Variants in IPPK observed in about 807,000 individuals in gnomAD.
IPPK encodes inositol-pentakisphosphate 2-kinase.
In IPPK, 22 loss-of-function variants were observed where a neutral mutation model predicts 64.6. That is an observed-to-expected ratio of 0.34 (90% CI 0.24 to 0.49). IPPK has a LOEUF of 0.49. Among genes scored for constraint, IPPK ranks in the 20% least tolerant of loss-of-function variants. IPPK has a pLI of 0.99. For missense variants in IPPK, 532 were observed against 630.7 expected (o/e 0.84, Z 1.68); for synonymous variants, 262 against 247.2 (o/e 1.06, Z -0.56).
intron 1 of IPPK, among the ~76,000 whole-genome samples, chr9:92,665,582 T>C (rs994270410): frequency 1.3e-5 from 2 of 152,192 alleles, no homozygotes; most frequent in Admixed American, 1.3e-4. Flanking sequence ...CAGAAAATAT[T>C]TAAAAAACAA....
intron 3 of IPPK, among the ~76,000 whole-genome samples, chr9:92,655,415 A>G (rs372849538): frequency 4.0e-4 from 61 of 152,286 alleles, no homozygotes; most frequent in African/African-American, 1.4e-3. Flanking sequence ...GGCAGAGGAA[A>G]TGCGCTCACA....
intron 1 of IPPK, among the ~76,000 whole-genome samples, chr9:92,665,563 T>C (rs1852577893): frequency 6.6e-6 from 1 of 152,222 alleles, no homozygotes; most frequent in Non-Finnish European, 1.5e-5. Flanking sequence ...ATATCCATTG[T>C]AGGAAATTCA....
At chr9:92,661,747 G>A (rs570950185) in intron 1 of IPPK, among the ~76,000 whole-genome samples, 7 of 152,324 alleles carry the variant, frequency 4.6e-5, no homozygotes, top group South Asian at 2.1e-4. Flanking sequence ...CAGGGGAACC[G>A]TAGTCTCAGC....
chr9:92,670,039 T>G lies in IPPK; in HGVS notation c.-51A>C. The G allele has an allele frequency of 1.5e-6, 2 of 1,376,218 alleles. No individual in the cohort carries two copies. Among genetic ancestry groups the G allele is most frequent in the Non-Finnish European group, 2.0e-6 (2 of 999,490 alleles). The allele number at this position is 1,376,218 out of a possible 1,614,324, so 85.3% of individuals were successfully genotyped here. A position where few individuals can be genotyped will look rare whatever the true frequency, so the allele number is the denominator to read the frequency against. The stretch of plus-strand genomic sequence containing the variant: ...CGGGCTAGGACTCGGGGACGCGAGC[T>G]GGGGGCCGCCCGCCTCGCTGGGAAC... On this transcript the variant is annotated 5_prime_UTR_variant, in exon 1 of 13. Transcript: ENST00000287996.
intron 4 of IPPK, among the ~76,000 whole-genome samples, chr9:92,651,618 C>T (rs1187083459): frequency 1.3e-5 from 2 of 152,248 alleles, no homozygotes; most frequent in Admixed American, 1.3e-4. Flanking sequence ...TTTTGCCTCT[C>T]CCAGGCCTCT....
intron 6 of IPPK, among the ~76,000 whole-genome samples, chr9:92,644,106 G>A (rs933569807): frequency 1.3e-5 from 2 of 152,044 alleles, no homozygotes; most frequent in Non-Finnish European, 2.9e-5. Flanking sequence ...GAAAAGAAGG[G>A]GTGATGTTGG....
intron 1 of IPPK, among the ~76,000 whole-genome samples, chr9:92,659,799 C>A (rs1379626512): frequency 6.6e-6 from 1 of 152,186 alleles, no homozygotes; most frequent in Non-Finnish European, 1.5e-5. Flanking sequence ...CCTACTTAGA[C>A]AATGTACGTC....
chr9:92,641,509 T>C (rs1282618124), intron 7 of IPPK, among the ~76,000 whole-genome samples: 1 of 152,246 alleles, frequency 6.6e-6, no homozygotes, highest in Non-Finnish European at 1.5e-5. Flanking sequence ...TGAATCTTTA[T>C]TACTGAATGC....
chr9:92,613,553 C>T lies in IPPK; in HGVS notation c.*2279G>A, dbSNP rs1022693861. 16 of 205,642 alleles carry T rather than the reference C, an allele frequency of 7.8e-5. No homozygotes were observed. The highest frequency in any genetic ancestry group is 1.4e-4 in the Non-Finnish European group (14 of 99,780). The allele number at this position is 205,642 out of a possible 1,614,324, so 12.7% of individuals were successfully genotyped here. A position where few individuals can be genotyped will look rare whatever the true frequency, so the allele number is the denominator to read the frequency against. On this transcript the variant is annotated 3_prime_UTR_variant, in exon 13 of 13. Transcript: ENST00000287996. ...TCCTGCCTCCTGGGGGCTCTGGAGA[C>T]GGATGCCTATGGCGCCTCATCTTTA... is the stretch of plus-strand genomic sequence containing the variant.
rs1851933046 is a variant in IPPK, at chr9:92,635,892, A to G, written c.917-584T>C. On this transcript the variant is annotated intron_variant, in intron 9 of 12. Coordinates refer to ENST00000287996, the MANE Select transcript of IPPK (RefSeq NM_022755.6). The surrounding 1 kb of genome is among the most constrained non-coding windows in gnomAD (Gnocchi z 4.4). Reference sequence around the variant, plus strand: ...GACACTGTCTGCAGAGTCCAGAGCCATGAGCCCACACTGAGAGGCAGGTAA... The same window carrying G: ...GACACTGTCTGCAGAGTCCAGAGCCGTGAGCCCACACTGAGAGGCAGGTAA... 6.6e-6 allele frequency among the ~76,000 whole-genome samples: 1 copy of G among 152,138 alleles called. No homozygotes were observed. Among genetic ancestry groups the G allele is most frequent in the African/African-American group, 2.4e-5 (1 of 41,426 alleles).
At chr9:92,637,005 GA>G (rs372722353) in intron 9 of IPPK, among the ~76,000 whole-genome samples, 9 of 148,986 alleles carry the variant, frequency 6.0e-5, no homozygotes, top group Non-Finnish European at 8.9e-5. Flanking sequence ...TTCATAACAA[GA>G]AAAAAAAAAC....
chr9:92,622,385 A>AT (rs1422713631), intron 11 of IPPK, among the ~76,000 whole-genome samples: 1 of 152,178 alleles, frequency 6.6e-6, no homozygotes, highest in African/African-American at 2.4e-5. Context: ...ACGATTACAT[A>AT]TAAAGAAAAT....
chr9:92,616,353 G>C (rs992280795), intron 12 of IPPK: 1 of 317,930 alleles, frequency 3.1e-6, no homozygotes, highest in Non-Finnish European at 5.9e-6. Context: ...TACCAGGCGA[G>C]AGAGGGTTAA....
Position 92,635,906 on chromosome 9 carries a change from AGAG to A in IPPK, c.917-601_917-599del, listed in dbSNP as rs1229676425. ...AGTCCAGAGCCATGAGCCCACACTGAGAGGCAGGTAAGACCTGGGCTGGCGACA... is the reference window on the plus strand; with the variant it reads ...AGTCCAGAGCCATGAGCCCACACTGAGCAGGTAAGACCTGGGCTGGCGACA... On this transcript the variant is annotated intron_variant, in intron 9 of 12. Transcript: ENST00000287996. This position sits in a 1 kb window ranked among gnomAD's most constrained non-coding sequence, Gnocchi z 4.4. 7.2e-5 allele frequency among the ~76,000 whole-genome samples: 11 copies of A among 152,126 alleles called. No individual in the cohort carries two copies. The highest frequency in any genetic ancestry group is 2.0e-4 in the Admixed American group (3 of 15,278).
At chr9:92,618,414 T>C in intron 12 of IPPK, 1 of 456,684 alleles carries the variant, frequency 2.2e-6, no homozygotes, top group Non-Finnish European at 4.4e-6. Context: ...CACTAAGAGA[T>C]TCCCAGGTGC....
chr9:92,622,897 T>C (rs1480647956), intron 11 of IPPK, among the ~76,000 whole-genome samples: 2 of 152,178 alleles, frequency 1.3e-5, no homozygotes, highest in African/African-American at 4.8e-5. Flanking sequence ...GTGTTCACAA[T>C]TTCTGTGACG....
intron 1 of IPPK, among the ~76,000 whole-genome samples, chr9:92,663,147 A>G (rs1380135727): frequency 6.6e-6 from 1 of 152,258 alleles, no homozygotes; most frequent in Non-Finnish European, 1.5e-5. Flanking sequence ...CCCAATAAAG[A>G]CAAAATACAG....
At chr9:92,621,600 G>A (rs1486280110) in intron 11 of IPPK, among the ~76,000 whole-genome samples, 2 of 139,364 alleles carry the variant, frequency 1.4e-5, no homozygotes, top group Middle Eastern at 4.5e-3. Flanking sequence ...TTACAGCCTC[G>A]ACCTGCAGGG....
chr9:92,618,769 T>G (rs1325717718), intron 12 of IPPK: 2 of 356,468 alleles, frequency 5.6e-6, no homozygotes, highest in Non-Finnish European at 1.1e-5. Flanking sequence ...TCCTGGGAAC[T>G]GTTTAGTTCA....
Sources: allele counts gnomAD v4.1 joint callset (sites outside exome capture counted in the v4.1 genomes callset), GRCh38; gene constraint gnomAD v4.1.1; non-coding constraint Gnocchi (gnomAD v3.1); transcripts MANE v1.5; gene names NCBI Gene and HGNC (gene_info 2026-07-23, HGNC 2026-07-21).